Variants in RGSL1 observed in about 807,000 individuals in gnomAD.
The protein encoded by RGSL1 is regulator of G protein signaling like 1.
Under a neutral mutation model 124.7 loss-of-function variants are expected in RGSL1, and 97 were observed. The ratio of observed to expected loss-of-function variants is 0.78; its 90% confidence interval spans 0.66 to 0.92. The LOEUF is 0.92. Among genes scored for constraint, RGSL1 ranks in the 40% least tolerant of loss-of-function variants. The pLI is 0.00. For synonymous variants in RGSL1, 424 were observed against 438.1 expected, an observed-to-expected ratio of 0.97 and a Z score of 0.40; for missense variants, 1,233 against 1,288.4, an observed-to-expected ratio of 0.96 and a Z score of 0.66.
intron 9 of RGSL1, among the ~76,000 whole-genome samples, chr1:182,503,373 C>T (rs574633523): frequency 1.3e-5 from 2 of 152,186 alleles, no homozygotes; most frequent in East Asian, 3.9e-4. Flanking sequence ...CTCCTATACA[C>T]AATGGAATAC....
In RGSL1 at chr1:182,530,235, A is replaced by G. The variant is rs1343614598; in HGVS notation, c.2126-9A>G. On this transcript the variant is annotated splice_polypyrimidine_tract_variant and intron_variant, in intron 11 of 21. Coordinates refer to ENST00000294854, the MANE Select transcript of RGSL1 (RefSeq NM_001137669.2). ...GATTACAGCTTCTTTTCTCTCTTGC[A>G]TTTTCTAGAAGAAATGCTGCAGTGT... 2 of 1,543,640 alleles carry G rather than the reference A, an allele frequency of 1.3e-6. No homozygotes were observed. The highest frequency in any genetic ancestry group is 2.4e-5 in the East Asian group (1 of 40,868).
chr1:182,535,455 C>G (rs1440825912), intron 14 of RGSL1, among the ~76,000 whole-genome samples: 1 of 152,178 alleles, frequency 6.6e-6, no homozygotes, highest in Non-Finnish European at 1.5e-5. Context: ...GGTCAGCCTC[C>G]TCTGTATTCA....
Position 182,538,667 on chromosome 1 carries a change from G to GGGA in RGSL1, c.2495-1577_2495-1575dup, listed in dbSNP as rs375721137. Among the ~76,000 whole-genome samples, 52 of 152,262 alleles carry GGGA rather than the reference G, an allele frequency of 3.4e-4. No homozygotes were observed. In the East Asian group the frequency reaches 9.5e-3, roughly 28 times the overall value. On this transcript the variant is annotated intron_variant, in intron 14 of 21. Transcript: ENST00000294854. ...CAGGGCTGGAACTAGGGTAAGGCAA[G>GGGA]GGAGGCATATAACACACAAAAATTA... is the stretch of plus-strand genomic sequence containing the variant.
chr1:182,450,275 G>A, intron 1 of RGSL1, 97 bp downstream of exon 1: 6 of 1,379,994 alleles, frequency 4.3e-6, no homozygotes, highest in East Asian at 2.5e-5. Flanking sequence ...GCCATTCAGG[G>A]GCACCATGGG....
chr1:182,548,648 T>A, intron 16 of RGSL1, 52 bp from the exon 17 acceptor site: 1 of 1,545,832 alleles, frequency 6.5e-7, no homozygotes, highest in Non-Finnish European at 8.7e-7. Flanking sequence ...GGAGAGGTTT[T>A]CTGCCTTCCC....
At chr1:182,466,702 GT>G (rs1653359920) in intron 4 of RGSL1, among the ~76,000 whole-genome samples, 1 of 152,122 alleles carries the variant, frequency 6.6e-6, no homozygotes, top group African/African-American at 2.4e-5. Context: ...TGCCTCTGAT[GT>G]TTATTTATGG....
At chr1:182,528,572 C>T (rs1317581631) in intron 11 of RGSL1, among the ~76,000 whole-genome samples, 7 of 152,048 alleles carry the variant, frequency 4.6e-5, no homozygotes, top group Non-Finnish European at 1.0e-4. Flanking sequence ...GAAATTGGCC[C>T]GAAGAAAGGA....
chr1:182,456,091 C>T (rs886400481), intron 2 of RGSL1, among the ~76,000 whole-genome samples: 4 of 151,926 alleles, frequency 2.6e-5, no homozygotes, highest in African/African-American at 9.7e-5. Flanking sequence ...AAATATAGGA[C>T]CATGTCACTG....
chr1:182,452,522 G>A (rs1034193547), intron 1 of RGSL1, among the ~76,000 whole-genome samples: 6 of 151,102 alleles, frequency 4.0e-5, no homozygotes, highest in Admixed American at 6.6e-5. Context: ...GTGCGATCTC[G>A]GCTCACTGCA....
At chr1:182,474,599 A>C in intron 6 of RGSL1, 57 bp downstream of exon 6, 1 of 1,475,926 alleles carries the variant, frequency 6.8e-7, no homozygotes, top group Non-Finnish European at 9.0e-7. Flanking sequence ...AAAACTGACT[A>C]AAAATCCCAT....
intron 6 of RGSL1, among the ~76,000 whole-genome samples, chr1:182,486,489 C>T (rs942651349): frequency 5.3e-5 from 8 of 151,506 alleles, no homozygotes; most frequent in Non-Finnish European, 7.4e-5. Flanking sequence ...CATAGGTGCA[C>T]GCCACCATGC....
At chr1:182,548,235 G>A (rs1186012556) in intron 15 of RGSL1, 82 bp from the exon 16 acceptor site, 10 of 1,480,140 alleles carry the variant, frequency 6.8e-6, no homozygotes, top group East Asian at 2.5e-5. Context: ...TTTTGGGCCA[G>A]AAATGAGTCT....
rs1227956701 is a variant in RGSL1, at chr1:182,551,097, C to T, written c.2934-3C>T. ...CTATGACCAGAAGCCATTCTTCCCACAGGTTTTGTTTCTGGAAGGCAACCC... is the reference window on the plus strand; with the variant it reads ...CTATGACCAGAAGCCATTCTTCCCATAGGTTTTGTTTCTGGAAGGCAACCC... On this transcript the variant is annotated splice_polypyrimidine_tract_variant and splice_region_variant and intron_variant, in intron 17 of 21. Coordinates refer to ENST00000294854, the MANE Select transcript of RGSL1 (RefSeq NM_001137669.2). 1 of 1,549,018 alleles carries T rather than the reference C, an allele frequency of 6.5e-7. No individual in the cohort carries two copies. Among genetic ancestry groups the T allele is most frequent in the Non-Finnish European group, 8.7e-7 (1 of 1,144,526 alleles).
intron 21 of RGSL1, among the ~76,000 whole-genome samples, chr1:182,559,292 T>G (rs11582959): frequency 0.15 from 22,113 of 152,198 alleles, 2,044 homozygotes; most frequent in Middle Eastern, 0.27. Context: ...AAATCAGTTT[T>G]GGCCCCTTTA....
chr1:182,539,704 A>T (rs1659765638), intron 14 of RGSL1, among the ~76,000 whole-genome samples: 1 of 152,236 alleles, frequency 6.6e-6, no homozygotes, highest in Non-Finnish European at 1.5e-5. Flanking sequence ...TTCTAAAGGA[A>T]GCATTCTATT....
chr1:182,555,914 G>T, intron 20 of RGSL1, 110 bp from the exon 21 acceptor site: 1 of 942,938 alleles, frequency 1.1e-6, no homozygotes. Flanking sequence ...GAAGGTTTCA[G>T]TTTTGGCTAT....
At position 182,511,828 on chromosome 1, in the gene RGSL1, A is replaced by G. The variant is rs1657485198; in HGVS notation, c.1826-10176A>G. Among the ~76,000 whole-genome samples, 3 of 152,228 alleles carry G rather than the reference A, an allele frequency of 2.0e-5. 1 individual carries two copies. In the South Asian group the frequency reaches 6.2e-4, roughly 31 times the overall value. On this transcript the variant is annotated intron_variant, in intron 9 of 21. Transcript: ENST00000294854. ...GATGAATCTATAAATTACTCTGGAT[A>G]GTATTGTCATTTTAACAGTATTAAT...
chr1:182,539,905 C>T (rs769215748), intron 14 of RGSL1, among the ~76,000 whole-genome samples: 2 of 152,162 alleles, frequency 1.3e-5, no homozygotes, highest in Admixed American at 6.5e-5. Flanking sequence ...GAGTAAGCAT[C>T]ATCAGTGTTA....
rs1659257609 is a variant in RGSL1, at chr1:182,532,681, T to A, written c.2384T>A (p.Met795Lys). The change falls in exon 14 of 22, where the codon ATG becomes AAG. Residue 795 changes from methionine (M) to lysine (K), a missense_variant. Coordinates refer to ENST00000294854, the MANE Select transcript of RGSL1 (RefSeq NM_001137669.2). The part of the protein sequence containing the change: ...QESQKKGWMR[M>K]ISFIRSFCKY... ...CCCCAGAAGAAAGGCTGGATGAGAA[T>A]GATCAGCTTTATCAGGAGTTTTTGC... is the stretch of plus-strand genomic sequence containing the variant. 6.4e-7 allele frequency: 1 copy of A among 1,551,014 alleles called. No homozygotes were observed. Among genetic ancestry groups the A allele is most frequent in the Non-Finnish European group, 8.7e-7 (1 of 1,146,422 alleles).
Sources: gnomAD v4.1 joint callset for allele counts (sites outside exome capture counted in the v4.1 genomes callset) on GRCh38, gnomAD v4.1.1 for gene constraint, MANE v1.5 for transcripts, NCBI Gene and HGNC (gene_info 2026-07-23, HGNC 2026-07-21) for gene names.